SEPTIN7: variants seen among roughly 807,000 people sequenced by gnomAD.
SEPTIN7 encodes septin-7.
In SEPTIN7, 10 loss-of-function variants were observed where a neutral mutation model predicts 63.3. That is an observed-to-expected ratio of 0.16 (90% CI 0.10 to 0.27). The LOEUF (loss-of-function observed/expected upper bound fraction) is 0.27. Ranked by LOEUF, SEPTIN7 falls within the 10% of genes least tolerant of loss-of-function variation. The pLI is 1.00. For missense variants in SEPTIN7, 310 were observed against 521.0 expected (o/e 0.59, Z 3.94); for synonymous variants, 131 against 165.3 (o/e 0.79, Z 1.59).
intron 6 of SEPTIN7, among the ~76,000 whole-genome samples, chr7:35,879,373 A>C (rs926587401): frequency 3.3e-5 from 5 of 152,022 alleles, no homozygotes; most frequent in Non-Finnish European, 7.4e-5. Flanking sequence ...AGTCCCAGCT[A>C]CTCAGGAGGC....
At chr7:35,877,965 A>G (rs1303409907) in intron 6 of SEPTIN7, among the ~76,000 whole-genome samples, 1 of 152,128 alleles carries the variant, frequency 6.6e-6, no homozygotes, top group Non-Finnish European at 1.5e-5. Context: ...CATAAAACCT[A>G]TTTTGTAATA....
chr7:35,813,651 A>G (rs568498673), intron 1 of SEPTIN7, among the ~76,000 whole-genome samples: 3 of 152,306 alleles, frequency 2.0e-5, no homozygotes, highest in Admixed American at 1.3e-4. Flanking sequence ...CTAAGATTAC[A>G]GGAGTAAGCC....
At chr7:35,856,243 T>G (rs1785196517) in intron 3 of SEPTIN7, among the ~76,000 whole-genome samples, 1 of 152,252 alleles carries the variant, frequency 6.6e-6, no homozygotes, top group South Asian at 2.1e-4. Context: ...CAGTATGTAT[T>G]CTTTTTAGAT....
At chr7:35,814,367 A>G (rs1423430543) in intron 1 of SEPTIN7, among the ~76,000 whole-genome samples, 2 of 152,190 alleles carry the variant, frequency 1.3e-5, no homozygotes, top group East Asian at 3.8e-4. Flanking sequence ...TATTTTCCTA[A>G]TGACTAATGA....
intron 12 of SEPTIN7, chr7:35,900,303 C>T (rs1211001358): frequency 1.3e-5 from 2 of 152,180 alleles, no homozygotes; most frequent in African/African-American, 2.4e-5. Context: ...AATAATTCCT[C>T]CTGGTTTCAG....
At chr7:35,861,627 A>G (rs141642777) in intron 3 of SEPTIN7, among the ~76,000 whole-genome samples, 71 of 152,278 alleles carry the variant, frequency 4.7e-4, no homozygotes, top group African/African-American at 1.6e-3. Context: ...CAGATGGTCT[A>G]TTGTATCTAC....
chr7:35,843,231 G>A (rs1301187525), intron 3 of SEPTIN7, among the ~76,000 whole-genome samples: 1 of 152,206 alleles, frequency 6.6e-6, no homozygotes, highest in Non-Finnish European at 1.5e-5. Flanking sequence ...GGGGGAGGCA[G>A]TGGCCCTGCT....
At position 35,904,510 on chromosome 7, in the gene SEPTIN7, C is replaced by G. The variant is rs977291476; in HGVS notation, c.*217C>G. Reference sequence around the variant, plus strand: ...ACTTAGAAAGTAAGAGCTCTAAGTACCTTTCCTACATTTTCTTTTTTTATT... The same window carrying G: ...ACTTAGAAAGTAAGAGCTCTAAGTAGCTTTCCTACATTTTCTTTTTTTATT... On this transcript the variant is annotated 3_prime_UTR_variant, in exon 14 of 14. Coordinates refer to ENST00000350320, the MANE Select transcript of SEPTIN7 (RefSeq NM_001788.6). 1.6e-5 allele frequency: 6 copies of G among 373,808 alleles called. No individual in the cohort carries two copies. The highest frequency in any genetic ancestry group is 6.7e-4 in the Middle Eastern group (1 of 1,484). 23.2% of individuals were successfully genotyped at this position (373,808 alleles called of 1,614,324 possible).
the SEPTIN7 span, among the ~76,000 whole-genome samples, chr7:35,914,778 TTC>T: frequency 7.2e-5 from 11 of 152,038 alleles, no homozygotes; most frequent in South Asian, 4.1e-4. Flanking sequence ...TAAATCTCTA[TTC>T]TCTCTCTTTC....
chr7:35,832,784 T>C lies in SEPTIN7; in HGVS notation c.67-14T>C. 6.7e-7 allele frequency: 1 copy of C among 1,502,404 alleles called. No homozygotes were observed. Among genetic ancestry groups the C allele is most frequent in the Non-Finnish European group, 9.3e-7 (1 of 1,078,642 alleles). 93.1% of individuals were successfully genotyped at this position (1,502,404 alleles called of 1,614,324 possible). ...TTGATACATGAATAACTTGGCCCTT[T>C]TTGCTTTTGTCAGCAACAGAAGAAC... is the stretch of plus-strand genomic sequence containing the variant. On this transcript the variant is annotated splice_polypyrimidine_tract_variant and intron_variant, in intron 2 of 13. Coordinates refer to ENST00000350320, the MANE Select transcript of SEPTIN7 (RefSeq NM_001788.6).
At chr7:35,807,712 G>A (rs886961850) in intron 1 of SEPTIN7, among the ~76,000 whole-genome samples, 2 of 151,938 alleles carry the variant, frequency 1.3e-5, no homozygotes, top group African/African-American at 4.8e-5. Context: ...TGGTCAGGCT[G>A]GTCTCGAACT....
downstream of SEPTIN7, among the ~76,000 whole-genome samples, chr7:35,910,252 A>T (rs1255726805): frequency 3.9e-5 from 6 of 152,374 alleles, no homozygotes; most frequent in African/African-American, 1.2e-4. Flanking sequence ...AAGGAGCTGT[A>T]CAAGAGCGGG....
intron 12 of SEPTIN7, 138 bp from the exon 13 acceptor site, chr7:35,902,938 T>G: frequency 2.4e-6 from 3 of 1,257,094 alleles, no homozygotes; most frequent in Non-Finnish European, 3.1e-6. Flanking sequence ...CCAGAGTACT[T>G]CCAGGTAGTA....
chr7:35,914,688 AAT>A, the SEPTIN7 span, among the ~76,000 whole-genome samples: 2 of 150,018 alleles, frequency 1.3e-5, no homozygotes, highest in African/African-American at 4.9e-5. Flanking sequence ...CACACACATA[AAT>A]ATATATAGAT....
intron 2 of SEPTIN7, chr7:35,832,234 G>C: frequency 2.7e-6 from 1 of 367,386 alleles, no homozygotes; most frequent in South Asian, 2.1e-5. Context: ...ATTGGACCTG[G>C]CATAACAGCT....
intron 12 of SEPTIN7, chr7:35,899,534 CAAAA>C (rs978260448): frequency 1.3e-5 from 2 of 151,886 alleles, no homozygotes; most frequent in Non-Finnish European, 2.9e-5. Context: ...GACTTTGCCT[CAAAA>C]AACAAACAGA....
chr7:35,872,592 C>A, intron 4 of SEPTIN7, 74 bp from the exon 5 acceptor site: 3 of 1,118,530 alleles, frequency 2.7e-6, no homozygotes, highest in Non-Finnish European at 4.1e-6. Flanking sequence ...ACTCGAACGT[C>A]CCTACCATCA....
chr7:35,913,956 G>A, the SEPTIN7 span, among the ~76,000 whole-genome samples: 1 of 152,296 alleles, frequency 6.6e-6, no homozygotes, highest in Admixed American at 6.5e-5. Flanking sequence ...CGATCAAGCA[G>A]CTCACCAGCT....
intron 3 of SEPTIN7, among the ~76,000 whole-genome samples, chr7:35,846,328 C>T (rs1429303646): frequency 6.6e-6 from 1 of 152,152 alleles, no homozygotes; most frequent in Non-Finnish European, 1.5e-5. Flanking sequence ...CACACACACA[C>T]TTTTTTTATT....
Sources: allele counts gnomAD v4.1 joint callset (sites outside exome capture counted in the v4.1 genomes callset), GRCh38; gene constraint gnomAD v4.1.1; transcripts MANE v1.5; gene names NCBI Gene and HGNC (gene_info 2026-07-23, HGNC 2026-07-21).